Variants in STAG1 observed in about 807,000 individuals in gnomAD.
The protein encoded by STAG1 is cohesin subunit SA-1.
Under a neutral mutation model 170.9 loss-of-function variants are expected in STAG1, and 26 were observed. The ratio of observed to expected loss-of-function variants is 0.15; its 90% CI spans 0.11 to 0.21. The LOEUF (loss-of-function observed/expected upper bound fraction) is 0.21, where lower values mean the gene tolerates loss of function less well. Ranked by LOEUF, STAG1 falls within the 10% of genes least tolerant of loss-of-function variation. The pLI is 1.00. For missense variants in STAG1, 964 were observed against 1,509.5 expected (o/e 0.64, Z 5.99); for synonymous variants, 514 against 497.7 (o/e 1.03, Z -0.44).
At chr3:136,537,290 T>G (rs1014094045) in intron 6 of STAG1, among the ~76,000 whole-genome samples, 1 of 152,160 alleles carries the variant, frequency 6.6e-6, no homozygotes, top group Non-Finnish European at 1.5e-5. Context: ...ATATTTAATA[T>G]ACAGAATAAG....
chr3:136,544,168 G>C (rs1328645850), intron 5 of STAG1, among the ~76,000 whole-genome samples: 1 of 152,126 alleles, frequency 6.6e-6, no homozygotes, highest in African/African-American at 2.4e-5. Flanking sequence ...TATCATAGGG[G>C]TAAGTTAAGA....
At chr3:136,582,690 T>A (rs192411989) in intron 4 of STAG1, among the ~76,000 whole-genome samples, 1 of 152,074 alleles carries the variant, frequency 6.6e-6, no homozygotes, top group African/African-American at 2.4e-5. Context: ...TCCCAGTTAC[T>A]TGGGAGGCTG....
At chr3:136,377,392 A>AAAAAAAAAAAG (rs1937662622) in intron 23 of STAG1, among the ~76,000 whole-genome samples, 1 of 146,518 alleles carries the variant, frequency 6.8e-6, no homozygotes, top group African/African-American at 2.5e-5. Context: ...GTCTCAAAAA[A>AAAAAAAAAAAG]AAAAAAAAAA....
At chr3:136,671,336 C>T (rs972348889) in intron 1 of STAG1, among the ~76,000 whole-genome samples, 1 of 152,000 alleles carries the variant, frequency 6.6e-6, no homozygotes, top group East Asian at 1.9e-4. Context: ...TGCCATATAG[C>T]TTGCATTTTT....
rs1384062125 is a variant in STAG1, at chr3:136,633,052, G to GA, written c.-83-2072dup. Among the ~76,000 whole-genome samples, 3 of 152,046 alleles carry GA rather than the reference G, an allele frequency of 2.0e-5. No individual in the cohort carries two copies. In the East Asian group the frequency reaches 5.8e-4, roughly 29 times the overall value. On this transcript the variant is annotated intron_variant, in intron 1 of 33. Transcript: ENST00000383202. The stretch of plus-strand genomic sequence containing the variant: ...ATCACTAAATAAACAGATGACTATA[G>GA]ATTTTAACAGTCAGTAAAATCAAAC...
At chr3:136,611,757 A>G (rs1576666318) in intron 3 of STAG1, among the ~76,000 whole-genome samples, 1 of 134,132 alleles carries the variant, frequency 7.5e-6, no homozygotes, top group Non-Finnish European at 1.5e-5. Flanking sequence ...TGCCTGCCTC[A>G]CCTCCCAAAT....
At position 136,681,180 on chromosome 3, in the gene STAG1, T is replaced by C. The variant is rs550475023; in HGVS notation, c.-83-50199A>G. Among the ~76,000 whole-genome samples, 8 of 152,284 alleles carry C rather than the reference T, an allele frequency of 5.3e-5. No individual in the cohort carries two copies. In the East Asian group the frequency reaches 1.3e-3, roughly 26 times the overall value. ...GCTGAATCCACAGATATAGAACCCA[T>C]GTACGAAGTTATGTATATGATATGC... On this transcript the variant is annotated intron_variant, in intron 1 of 33. Coordinates refer to ENST00000383202, the MANE Select transcript of STAG1 (RefSeq NM_005862.3).
intron 4 of STAG1, among the ~76,000 whole-genome samples, chr3:136,603,778 T>C (rs1244003433): frequency 6.6e-6 from 1 of 151,946 alleles, no homozygotes; most frequent in Non-Finnish European, 1.5e-5. Flanking sequence ...TCCCAGCTAC[T>C]CGGGAGGCTG....
chr3:136,677,468 G>C (rs1386377228), intron 1 of STAG1, among the ~76,000 whole-genome samples: 1 of 152,124 alleles, frequency 6.6e-6, no homozygotes, highest in Non-Finnish European at 1.5e-5. Flanking sequence ...TTCTACTGGA[G>C]AAACGAGAAT....
intron 1 of STAG1, among the ~76,000 whole-genome samples, chr3:136,725,290 G>A (rs1454875796): frequency 6.6e-6 from 1 of 152,042 alleles, no homozygotes; most frequent in African/African-American, 2.4e-5. Flanking sequence ...GTGTGTGTGT[G>A]TGTGTGTTTA....
intron 4 of STAG1, among the ~76,000 whole-genome samples, chr3:136,582,570 G>A (rs1470957589): frequency 6.6e-6 from 1 of 152,214 alleles, no homozygotes; most frequent in Non-Finnish European, 1.5e-5. Flanking sequence ...AGGCTGAGGT[G>A]GGTGGATCAT....
At chr3:136,529,997 T>C (rs1935289872) in intron 6 of STAG1, among the ~76,000 whole-genome samples, 1 of 152,052 alleles carries the variant, frequency 6.6e-6, no homozygotes, top group South Asian at 2.1e-4. Context: ...AGTAATGCAC[T>C]TTACCTGTAA....
chr3:136,523,504 C>T (rs1037079716), intron 6 of STAG1, among the ~76,000 whole-genome samples: 40 of 151,678 alleles, frequency 2.6e-4, no homozygotes, highest in African/African-American at 8.7e-4. Flanking sequence ...AATCTTCTCC[C>T]ATTCTGTAGG....
At chr3:136,648,266 T>C (rs562300269) in intron 1 of STAG1, among the ~76,000 whole-genome samples, 69 of 152,320 alleles carry the variant, frequency 4.5e-4, no homozygotes, top group African/African-American at 1.6e-3. Context: ...GTCACCTGGG[T>C]TTGGGGAGTA....
chr3:136,655,682 G>A (rs1018996299), intron 1 of STAG1, among the ~76,000 whole-genome samples: 4 of 152,054 alleles, frequency 2.6e-5, no homozygotes, highest in Admixed American at 6.6e-5. Flanking sequence ...AGAATCACTT[G>A]AACCCAGGAG....
At chr3:136,537,911 T>C (rs1374037779) in intron 6 of STAG1, among the ~76,000 whole-genome samples, 9 of 152,156 alleles carry the variant, frequency 5.9e-5, no homozygotes, top group Non-Finnish European at 1.3e-4. Context: ...AGAAATGTGG[T>C]GGCACTGTCA....
intron 6 of STAG1, among the ~76,000 whole-genome samples, chr3:136,540,994 G>A (rs1201795942): frequency 6.6e-6 from 1 of 151,876 alleles, no homozygotes; most frequent in Admixed American, 6.6e-5. Flanking sequence ...TACGTGAAGA[G>A]TTTTACTAAG....
intron 13 of STAG1, among the ~76,000 whole-genome samples, chr3:136,457,339 G>C (rs1422544220): frequency 6.6e-6 from 1 of 152,120 alleles, no homozygotes; most frequent in Non-Finnish European, 1.5e-5. Context: ...ATCTCAAGCA[G>C]CAGAGCATAT....
chr3:136,751,815 G>T (rs1335373113), intron 1 of STAG1, among the ~76,000 whole-genome samples: 3 of 151,108 alleles, frequency 2.0e-5, no homozygotes, highest in Non-Finnish European at 3.0e-5. Context: ...GGGCGGGGGG[G>T]GGCGGAGGGC....
Sources: allele counts gnomAD v4.1 joint callset (sites outside exome capture counted in the v4.1 genomes callset), GRCh38; gene constraint gnomAD v4.1.1; transcripts MANE v1.5; gene names NCBI Gene and HGNC (gene_info 2026-07-23, HGNC 2026-07-21).